Variants in NPM1 observed in about 807,000 individuals in gnomAD.
NPM1 encodes nucleophosmin 1.
A neutral mutation model predicts 44.1 loss-of-function variants in NPM1; 1 was observed. That is an observed-to-expected ratio of 0.02 (90% CI 0.01 to 0.11). The LOEUF (loss-of-function observed/expected upper bound fraction) is 0.11, where lower values mean the gene tolerates loss of function less well. Among genes scored for constraint, NPM1 ranks in the 10% least tolerant of loss-of-function variants. The pLI is 1.00. For synonymous variants in NPM1, 126 were observed against 111.8 expected (o/e 1.13, Z -0.80); for missense variants, 197 against 347.8 (o/e 0.57, Z 3.45).
intron 10 of NPM1, among the ~76,000 whole-genome samples, chr5:171,410,177 T>C (rs1771753693): frequency 6.6e-6 from 1 of 151,714 alleles, no homozygotes; most frequent in African/African-American, 2.4e-5. Context: ...GGTGTTTATG[T>C]AACTTTATTT....
intron 6 of NPM1, among the ~76,000 whole-genome samples, chr5:171,394,023 T>A (rs917680909): frequency 1.3e-5 from 2 of 150,598 alleles, no homozygotes; most frequent in Non-Finnish European, 2.9e-5. Context: ...AGTATTTGAC[T>A]GTTGCTGTTT....
At chr5:171,406,245 C>G in intron 9 of NPM1, 1 of 703,814 alleles carries the variant, frequency 1.4e-6, no homozygotes, top group Non-Finnish European at 2.5e-6. Context: ...AATTTTAGAA[C>G]TGGAACATAT....
intron 8 of NPM1, among the ~76,000 whole-genome samples, chr5:171,403,441 A>G (rs1381170000): frequency 8.6e-6 from 1 of 116,340 alleles, no homozygotes; most frequent in Non-Finnish European, 1.9e-5. Context: ...CCGATTTCTC[A>G]ATCTTTTCCC....
At chr5:171,393,567 G>A (rs1770708950) in intron 6 of NPM1, among the ~76,000 whole-genome samples, 1 of 152,162 alleles carries the variant, frequency 6.6e-6, no homozygotes, top group South Asian at 2.1e-4. Context: ...TACGCACACT[G>A]GTATAAAGTA....
chr5:171,403,159 C>T lies in NPM1; in HGVS notation c.670-2143C>T, dbSNP rs140440778. 7.4e-3 allele frequency among the ~76,000 whole-genome samples: 725 copies of T among 98,380 alleles called. 28 individuals are homozygous for T. The South Asian group carries it at 0.075, about 10-fold the overall frequency. 64.5% of individuals were successfully genotyped at this position (98,380 alleles called of 152,430 possible). ...CTAGGCAGAGGACCCTGCGGCCTTC[C>T]GCAGTGTTTGTGTACCTGATTACTT... On this transcript the variant is annotated intron_variant, in intron 8 of 10. Transcript: ENST00000296930.
chr5:171,406,406 A>G, intron 9 of NPM1: 1 of 1,613,210 alleles, frequency 6.2e-7, no homozygotes, highest in Non-Finnish European at 8.5e-7. Flanking sequence ...GGCGCATTGA[A>G]CAGTCCTGGG....
At chr5:171,400,065 CA>C in intron 6 of NPM1, 87 bp from the exon 7 acceptor site, 1 of 793,530 alleles carries the variant, frequency 1.3e-6, no homozygotes, top group South Asian at 1.4e-5. Context: ...CATGGGTGCA[CA>C]AATAATCACT....
At chr5:171,393,123 C>T in intron 6 of NPM1, 145 bp downstream of exon 6, 1 of 1,048,908 alleles carries the variant, frequency 9.5e-7, no homozygotes, top group Non-Finnish European at 1.3e-6. Context: ...GGCAGGTGGT[C>T]ATCTGTTGTC....
intron 6 of NPM1, among the ~76,000 whole-genome samples, chr5:171,396,456 G>A (rs1162175524): frequency 6.6e-6 from 1 of 152,198 alleles, no homozygotes; most frequent in East Asian, 1.9e-4. Flanking sequence ...CAAAATCACT[G>A]TTAAAAAGCC....
At chr5:171,388,583 G>T (rs1208284357) in intron 1 of NPM1, among the ~76,000 whole-genome samples, 1 of 128,312 alleles carries the variant, frequency 7.8e-6, no homozygotes, top group Non-Finnish European at 1.6e-5. Flanking sequence ...GCACGTGGTT[G>T]CCACGTGGTT....
chr5:171,393,009 TC>T (rs1487602174), intron 6 of NPM1, 31 bp downstream of exon 6: 4 of 1,596,100 alleles, frequency 2.5e-6, no homozygotes, highest in African/African-American at 2.7e-5. Context: ...TTGATATACT[TC>T]CGGAATCTTG....
chr5:171,404,999 A>G (rs1771486759), intron 8 of NPM1, among the ~76,000 whole-genome samples: 1 of 151,992 alleles, frequency 6.6e-6, no homozygotes, highest in Admixed American at 6.6e-5. Context: ...GTACAGTGGT[A>G]TGATCATAGC....
intron 8 of NPM1, among the ~76,000 whole-genome samples, chr5:171,404,024 A>T (rs1411873020): frequency 7.3e-5 from 4 of 54,618 alleles, no homozygotes; most frequent in African/African-American, 3.3e-4. Context: ...ACTTCCCAGT[A>T]GGGGCGGCCG....
At chr5:171,399,108 TA>T (rs1160204637) in intron 6 of NPM1, among the ~76,000 whole-genome samples, 4 of 152,210 alleles carry the variant, frequency 2.6e-5, no homozygotes, top group African/African-American at 9.7e-5. Flanking sequence ...CTCGGCCTCC[TA>T]AAAAGTGCCG....
intron 8 of NPM1, among the ~76,000 whole-genome samples, chr5:171,403,594 C>G (rs1204592144): frequency 2.7e-5 from 3 of 112,468 alleles, no homozygotes; most frequent in African/African-American, 6.5e-5. Flanking sequence ...TGGGCAGAGG[C>G]GCCCCTCACC....
intron 3 of NPM1, 91 bp from the exon 4 acceptor site, chr5:171,391,615 C>G: frequency 1.8e-6 from 2 of 1,130,466 alleles, no homozygotes; most frequent in South Asian, 1.3e-5. Context: ...AACAGGTTCA[C>G]TGGTTTGTTG....
intron 8 of NPM1, among the ~76,000 whole-genome samples, chr5:171,404,479 G>A (rs1771455120): frequency 2.7e-5 from 2 of 73,492 alleles, no homozygotes; most frequent in South Asian, 6.5e-4. Context: ...GGGCAGAGGC[G>A]CTCCTCACAT....
At chr5:171,397,763 T>G (rs1340306515) in intron 6 of NPM1, among the ~76,000 whole-genome samples, 3 of 151,890 alleles carry the variant, frequency 2.0e-5, no homozygotes, top group African/African-American at 7.3e-5. Context: ...CCCAAACTGC[T>G]GAGATTACAG....
chr5:171,402,008 A>G (rs1329387664), intron 8 of NPM1, among the ~76,000 whole-genome samples: 2 of 151,074 alleles, frequency 1.3e-5, no homozygotes, highest in Non-Finnish European at 2.9e-5. Context: ...CAGGCATCAG[A>G]CTACAGTGAC....
Sources: gnomAD v4.1 joint callset for allele counts (sites outside exome capture counted in the v4.1 genomes callset) on GRCh38, gnomAD v4.1.1 for gene constraint, MANE v1.5 for transcripts, NCBI Gene and HGNC (gene_info 2026-07-23, HGNC 2026-07-21) for gene names.